Variants in TBC1D32 observed in about 807,000 individuals in gnomAD.
The protein encoded by TBC1D32 is TBC1 domain family member 32, also known as protein broad-minded.
A neutral mutation model predicts 170.3 loss-of-function variants in TBC1D32; 151 were observed. The ratio of observed to expected loss-of-function variants is 0.89; its 90% confidence interval spans 0.78 to 1.01. The LOEUF (loss-of-function observed/expected upper bound fraction) is 1.01, where lower values mean the gene tolerates loss of function less well. Ranked by LOEUF, TBC1D32 falls within the 50% of genes least tolerant of loss-of-function variation. The pLI, the probability that TBC1D32 is intolerant of heterozygous loss-of-function variation, is 0.00. For synonymous variants in TBC1D32, 498 were observed against 488.0 expected (o/e 1.02, Z -0.27); for missense variants, 1,464 against 1,457.1 (o/e 1.00, Z -0.08).
At chr6:121,163,091 G>A (rs1583037993) in intron 22 of TBC1D32, 1 of 8,692 alleles carries the variant, frequency 1.2e-4, no homozygotes, top group Admixed American at 1.3e-3. Flanking sequence ...GAATCTCGCT[G>A]ATTGCTAGCA....
At chr6:121,211,007 T>G (rs1792970412) in intron 21 of TBC1D32, among the ~76,000 whole-genome samples, 1 of 152,066 alleles carries the variant, frequency 6.6e-6, no homozygotes, top group South Asian at 2.1e-4. Flanking sequence ...ATAGACACAC[T>G]GGCAAGTACA....
intron 3 of TBC1D32, among the ~76,000 whole-genome samples, chr6:121,311,103 A>G (rs1443525368): frequency 6.6e-6 from 1 of 152,220 alleles, no homozygotes; most frequent in Non-Finnish European, 1.5e-5. Flanking sequence ...ATATAACATT[A>G]TAAGACTCAA....
At chr6:121,221,843 A>G (rs555803492) in intron 21 of TBC1D32, among the ~76,000 whole-genome samples, 1 of 152,336 alleles carries the variant, frequency 6.6e-6, no homozygotes, top group South Asian at 2.1e-4. Context: ...ACAACAAAGG[A>G]CTTAAAATAT....
chr6:121,089,338 G>A (rs1776571375), intron 31 of TBC1D32, among the ~76,000 whole-genome samples: 2 of 152,034 alleles, frequency 1.3e-5, no homozygotes, highest in Admixed American at 6.6e-5. Flanking sequence ...TAAAAACTGT[G>A]AGAAAAACTA....
intron 11 of TBC1D32, among the ~76,000 whole-genome samples, chr6:121,293,819 G>C (rs899883469): frequency 1.3e-5 from 2 of 152,146 alleles, no homozygotes. Flanking sequence ...GCTGAGGCAG[G>C]AGAGTCGCTT....
At chr6:121,299,836 T>G (rs913957871) in intron 9 of TBC1D32, among the ~76,000 whole-genome samples, 19 of 151,904 alleles carry the variant, frequency 1.3e-4, no homozygotes, top group African/African-American at 4.1e-4. Context: ...AAAAGATACA[T>G]AGTGGGGAAA....
intron 15 of TBC1D32, among the ~76,000 whole-genome samples, chr6:121,259,158 C>T (rs1204084908): frequency 1.3e-5 from 2 of 151,872 alleles, no homozygotes; most frequent in Non-Finnish European, 2.9e-5. Flanking sequence ...ATTAGCCCAG[C>T]ACGGTGGCGC....
At chr6:121,331,120 T>C (rs1187635825) in intron 1 of TBC1D32, among the ~76,000 whole-genome samples, 1 of 152,216 alleles carries the variant, frequency 6.6e-6, no homozygotes. Context: ...TGAAATTACA[T>C]TAACTGTCTT....
At chr6:121,334,220 C>A in intron 1 of TBC1D32, 56 bp downstream of exon 1, 1 of 1,481,196 alleles carries the variant, frequency 6.8e-7, no homozygotes. Context: ...TGACCCTTCT[C>A]TGGACCCTCT....
intron 12 of TBC1D32, among the ~76,000 whole-genome samples, chr6:121,285,334 C>T (rs116673796): frequency 2.6e-4 from 39 of 152,282 alleles, no homozygotes; most frequent in African/African-American, 9.1e-4. Context: ...TTCTAAGTGT[C>T]CTCTCCTGGT....
intron 15 of TBC1D32, among the ~76,000 whole-genome samples, chr6:121,271,801 G>A (rs1801474553): frequency 6.6e-6 from 1 of 152,102 alleles, no homozygotes; most frequent in African/African-American, 2.4e-5. Context: ...AGCCTGCATT[G>A]CCAAGACAAT....
intron 24 of TBC1D32, among the ~76,000 whole-genome samples, chr6:121,153,987 C>T (rs1425095525): frequency 6.7e-6 from 1 of 148,426 alleles, no homozygotes; most frequent in East Asian, 2.0e-4. Context: ...AGCCCCCTTT[C>T]CAGGGAAGTG....
intron 22 of TBC1D32, among the ~76,000 whole-genome samples, chr6:121,171,622 A>G (rs1787018466): frequency 6.6e-6 from 1 of 152,184 alleles, no homozygotes; most frequent in South Asian, 2.1e-4. Context: ...ATGATTACAT[A>G]TTAAAACAGA....
chr6:121,251,290 A>C (rs1158260744), intron 17 of TBC1D32, among the ~76,000 whole-genome samples: 1 of 152,144 alleles, frequency 6.6e-6, no homozygotes, highest in Non-Finnish European at 1.5e-5. Flanking sequence ...AGCAAAAAGA[A>C]CAAAGCTGGA....
chr6:121,253,433 G>A (rs1052725514), intron 17 of TBC1D32, among the ~76,000 whole-genome samples: 2 of 152,058 alleles, frequency 1.3e-5, no homozygotes, highest in Non-Finnish European at 2.9e-5. Flanking sequence ...TAATTAAAAA[G>A]TCAAGGCCGG....
chr6:121,157,758 C>T (rs1273753), intron 24 of TBC1D32, among the ~76,000 whole-genome samples: 5,693 of 152,066 alleles, frequency 0.037, 356 homozygotes, highest in African/African-American at 0.13. Context: ...TTCCTTTACC[C>T]TGAAGCTGAG....
rs1301878567 is a variant in TBC1D32 at position 121,239,206 on chromosome 6, T to G, written c.2246-18A>C. The stretch of plus-strand genomic sequence containing the variant: ...AATAAACCCTAAAAAGAATTATTAC[T>G]TCAAGTCATTTATAGCATAATATTT... On this transcript the variant is annotated intron_variant, in intron 19 of 31. Coordinates refer to ENST00000398212, the MANE Select transcript of TBC1D32 (RefSeq NM_152730.6). The G allele has an allele frequency of 7.3e-7, 1 of 1,378,760 alleles. No individual in the cohort carries two copies. The highest frequency in any genetic ancestry group is 1.0e-6 in the Non-Finnish European group (1 of 975,882). The allele number at this position is 1,378,760 out of a possible 1,614,324, so 85.4% of individuals were successfully genotyped here.
At chr6:121,225,044 A>C (rs1313514270) in intron 20 of TBC1D32, among the ~76,000 whole-genome samples, 1 of 152,078 alleles carries the variant, frequency 6.6e-6, no homozygotes, top group Non-Finnish European at 1.5e-5. Flanking sequence ...AGAACACTAC[A>C]TGAGAAGTAT....
chr6:121,123,135 A>G (rs754558374), intron 26 of TBC1D32, among the ~76,000 whole-genome samples: 1 of 151,980 alleles, frequency 6.6e-6, no homozygotes, highest in Non-Finnish European at 1.5e-5. Context: ...AGAGCTTTCT[A>G]TTTTTCCTCA....
Sources: allele counts gnomAD v4.1 joint callset (sites outside exome capture counted in the v4.1 genomes callset), GRCh38; gene constraint gnomAD v4.1.1; transcripts MANE v1.5; gene names NCBI Gene and HGNC (gene_info 2026-07-23, HGNC 2026-07-21).